Variants in HS6ST2 observed in about 807,000 individuals in gnomAD.
HS6ST2 encodes heparan-sulfate 6-O-sulfotransferase 2.
A neutral mutation model predicts 33.0 loss-of-function variants in HS6ST2; 17 were observed. That is an observed-to-expected ratio of 0.52 (90% CI 0.35 to 0.77). The LOEUF (loss-of-function observed/expected upper bound fraction) is 0.77, where lower values mean the gene tolerates loss of function less well. HS6ST2 is among the 30% of genes least tolerant of loss of function. The pLI, the probability that HS6ST2 is intolerant of heterozygous loss-of-function variation, is 0.01. For missense variants in HS6ST2, 519 were observed against 551.7 expected (o/e 0.94, Z 0.59); for synonymous variants, 248 against 237.1 (o/e 1.05, Z -0.42).
intron 4 of HS6ST2, among the ~76,000 whole-genome samples, chrX:132,634,811 A>G (rs1254006907): frequency 5.4e-5 from 6 of 111,426 alleles, no homozygotes; most frequent in African/African-American, 2.0e-4. Flanking sequence ...TGTCCTTCAA[A>G]GCTTTGCTAA....
chrX:132,736,195 G>T (rs913115735), intron 2 of HS6ST2, among the ~76,000 whole-genome samples: 1 of 111,238 alleles, frequency 9.0e-6, no homozygotes, highest in Non-Finnish European at 1.9e-5. Flanking sequence ...GGCCACATAG[G>T]GCCTCAGTTT....
chrX:132,867,775 C>A (rs1473856612), intron 2 of HS6ST2, among the ~76,000 whole-genome samples: 1 of 111,348 alleles, frequency 9.0e-6, no homozygotes, highest in Non-Finnish European at 1.9e-5. Context: ...TACAACAGCG[C>A]CTGAAGGAAG....
At chrX:132,840,678 T>C (rs1331348575) in intron 2 of HS6ST2, among the ~76,000 whole-genome samples, 1 of 111,612 alleles carries the variant, frequency 9.0e-6, no homozygotes, top group Non-Finnish European at 1.9e-5. Context: ...CTTCCTACTT[T>C]GCCCTTCCTA....
chrX:132,759,988 AT>A (rs1231366303), intron 2 of HS6ST2, among the ~76,000 whole-genome samples: 1 of 111,847 alleles, frequency 8.9e-6, no homozygotes, highest in Non-Finnish European at 1.9e-5. Context: ...CACATGGCTA[AT>A]AAGTAAAGAC....
intron 4 of HS6ST2, among the ~76,000 whole-genome samples, chrX:132,633,913 T>C (rs1023422062): frequency 7.2e-5 from 8 of 111,753 alleles, no homozygotes; most frequent in Non-Finnish European, 1.5e-4. Flanking sequence ...CCTATCACCT[T>C]CCTCATTCTT....
intron 1 of HS6ST2, 57 bp from the exon 2 acceptor site, chrX:132,957,383 G>GC (rs1231115668): frequency 9.2e-7 from 1 of 1,090,024 alleles, no homozygotes; most frequent in East Asian, 3.2e-5. Flanking sequence ...CGCTCGTCGT[G>GC]CCCCCGCACC....
chrX:132,826,827 T>C (rs1287249749), intron 2 of HS6ST2, among the ~76,000 whole-genome samples: 1 of 111,022 alleles, frequency 9.0e-6, no homozygotes, highest in African/African-American at 3.3e-5. Flanking sequence ...AGGTGTGAAC[T>C]GTTCACGGGT....
chrX:132,717,729 G>A (rs2064288625), intron 2 of HS6ST2, among the ~76,000 whole-genome samples: 1 of 111,949 alleles, frequency 8.9e-6, no homozygotes, highest in Non-Finnish European at 1.9e-5. Context: ...TGTTTGGCAG[G>A]TGTAATATTC....
intron 2 of HS6ST2, among the ~76,000 whole-genome samples, chrX:132,947,443 A>G (rs775622216): frequency 8.0e-4 from 89 of 110,952 alleles, no homozygotes; most frequent in Non-Finnish European, 1.3e-3. Context: ...ATACGTTTCA[A>G]ACTTATGGTA....
intron 2 of HS6ST2, among the ~76,000 whole-genome samples, chrX:132,820,653 C>T (rs1361122413): frequency 8.1e-5 from 9 of 111,493 alleles, no homozygotes; most frequent in African/African-American, 2.3e-4. Flanking sequence ...CGAGAACCAC[C>T]GGCATGAGCT....
intron 2 of HS6ST2, among the ~76,000 whole-genome samples, chrX:132,917,295 A>G (rs1305303427): frequency 1.8e-5 from 2 of 111,883 alleles, no homozygotes; most frequent in Admixed American, 9.5e-5. Flanking sequence ...GTCCAAGCAT[A>G]TTCAAAACAT....
At chrX:132,800,308 G>T (rs1038759393) in intron 2 of HS6ST2, among the ~76,000 whole-genome samples, 1 of 111,458 alleles carries the variant, frequency 9.0e-6, no homozygotes, top group African/African-American at 3.3e-5. Context: ...AATGCCTGAT[G>T]ATCTGTCACT....
chrX:132,935,530 A>C (rs1205465476), intron 2 of HS6ST2, among the ~76,000 whole-genome samples: 2 of 111,737 alleles, frequency 1.8e-5, no homozygotes, highest in Non-Finnish European at 3.8e-5. Flanking sequence ...CAGTCAGCTA[A>C]TTTTTTGTAT....
chrX:132,785,930 C>A (rs981779222), intron 2 of HS6ST2, among the ~76,000 whole-genome samples: 1 of 111,710 alleles, frequency 9.0e-6, no homozygotes, highest in Non-Finnish European at 1.9e-5. Context: ...CTGCTGCTAT[C>A]CAGCTGTATG....
intron 2 of HS6ST2, among the ~76,000 whole-genome samples, chrX:132,872,591 C>A (rs1377545716): frequency 1.8e-5 from 2 of 111,789 alleles, no homozygotes; most frequent in East Asian, 5.7e-4. Context: ...AACAATAACT[C>A]TTGGAATTTA....
At position 132,957,273 on chromosome X, in the gene HS6ST2, A is replaced by G. The variant is rs1188886008; in HGVS notation, c.482T>C (p.Leu161Pro). The G allele has an allele frequency of 2.5e-6, 3 of 1,177,943 alleles. No homozygotes were observed. Among genetic ancestry groups the G allele is most frequent in the Admixed American group, 4.7e-5 (2 of 42,432 alleles). Residue 161 changes from leucine (L) to proline (P), a missense_variant, in exon 2 of 5, where the codon CTC becomes CCC. By Grantham distance (98) the Leu-to-Pro change is moderately conservative (BLOSUM62 -3). Coordinates refer to ENST00000370833, the MANE Select transcript of HS6ST2 (RefSeq NM_001394073.1). ...SNKLLLALVMLFLFAVIVLQY... is the reference protein window; with the variant it reads ...SNKLLLALVMPFLFAVIVLQY... The stretch of plus-strand genomic sequence containing the variant: ...GAGGACGATCACGGCAAATAGGAAG[A>G]GCATCACCAAAGCTAGCAGCAGCTT...
At chrX:132,747,476 T>A (rs1304575348) in intron 2 of HS6ST2, among the ~76,000 whole-genome samples, 1 of 111,673 alleles carries the variant, frequency 9.0e-6, no homozygotes, top group East Asian at 2.8e-4. Context: ...AATTAAAGCA[T>A]GCCCCTGCCT....
intron 2 of HS6ST2, among the ~76,000 whole-genome samples, chrX:132,721,366 AC>A (rs1355861610): frequency 2.7e-5 from 3 of 112,088 alleles, no homozygotes; most frequent in Admixed American, 9.4e-5. Context: ...GAATTGAAAA[AC>A]GTCTTGAAAC....
At chrX:132,704,698 G>A (rs2064174310) in intron 3 of HS6ST2, among the ~76,000 whole-genome samples, 1 of 112,187 alleles carries the variant, frequency 8.9e-6, no homozygotes, top group Non-Finnish European at 1.9e-5. Flanking sequence ...ACCTTTTAAA[G>A]TTCCAACTGC....
Sources: allele counts gnomAD v4.1 joint callset (sites outside exome capture counted in the v4.1 genomes callset), GRCh38; gene constraint gnomAD v4.1.1; transcripts MANE v1.5; gene names NCBI Gene and HGNC (gene_info 2026-07-23, HGNC 2026-07-21).